ARAP1: variants seen among roughly 807,000 people sequenced by gnomAD.
ARAP1 encodes ArfGAP with RhoGAP domain, ankyrin repeat and PH domain 1.
A neutral mutation model predicts 172.2 loss-of-function variants in ARAP1; 76 were observed. That is an observed-to-expected ratio of 0.44 (90% confidence interval 0.37 to 0.53). ARAP1 has a LOEUF of 0.53. Ranked by LOEUF, ARAP1 falls within the 20% of genes least tolerant of loss-of-function variation. The pLI, the probability that ARAP1 is intolerant of heterozygous loss-of-function variation, is 0.00. For synonymous variants in ARAP1, 804 were observed against 803.3 expected (o/e 1.00, Z -0.01); for missense variants, 1,686 against 1,977.5 (o/e 0.85, Z 2.80).
rs753045574 is a variant in ARAP1 at position 72,693,492 on chromosome 11, G to A, written c.3809-22C>T. On this transcript the variant is annotated intron_variant, in intron 28 of 34. Coordinates refer to ENST00000393609, the MANE Select transcript of ARAP1 (RefSeq NM_001040118.3). The surrounding 1 kb of genome is among the most constrained non-coding windows in gnomAD (Gnocchi z 4.6). ...CTGGCTGGGGGGTGGGACTGGAGTG[G>A]GCACAGGCTGCACCAACCCCTACCC... 6.2e-7 allele frequency: 1 copy of A among 1,607,194 alleles called. No individual in the cohort carries two copies. The highest frequency in any genetic ancestry group is 1.3e-5 in the African/African-American group (1 of 74,904).
At chr11:72,737,029 G>A (rs533542154) in intron 1 of ARAP1, among the ~76,000 whole-genome samples, 1 of 152,274 alleles carries the variant, frequency 6.6e-6, no homozygotes, top group Admixed American at 6.5e-5. Flanking sequence ...GTGGCTCCAG[G>A]CCAGCTCCTC....
At chr11:72,740,617 T>C (rs1160233437) in intron 1 of ARAP1, among the ~76,000 whole-genome samples, 1 of 152,108 alleles carries the variant, frequency 6.6e-6, no homozygotes, top group South Asian at 2.1e-4. Flanking sequence ...ACTGCTAATT[T>C]CCTAGGCCAT....
At chr11:72,742,805 G>A (rs12272109) in intron 1 of ARAP1, among the ~76,000 whole-genome samples, 27,152 of 152,120 alleles carry the variant, frequency 0.18, 3,807 homozygotes, top group African/African-American at 0.39. Flanking sequence ...AGGGAGGGAT[G>A]AAGCAGATCT....
chr11:72,693,454 G>T lies in ARAP1; in HGVS notation c.3825C>A (p.Asp1275Glu). Reference sequence around the variant, plus strand: ...GGAACTTCATCATGCCATGCTTGGTGTCACCGACACGGCTGGCTGGGGGGT... The same window carrying T: ...GGAACTTCATCATGCCATGCTTGGTTTCACCGACACGGCTGGCTGGGGGGT... ...MLLYLASRVG[D>E]TKHGMMKFRE... is the part of the protein sequence containing the mutation. The change falls in exon 29 of 35, where the codon GAC (aspartate) becomes GAA (glutamate). Residue 1275 changes from aspartate to glutamate, a missense_variant. Physicochemically the swap from Asp to Glu is conservative, Grantham distance 45. Coordinates refer to ENST00000393609, the MANE Select transcript of ARAP1 (RefSeq NM_001040118.3). The surrounding 1 kb of genome is among the most constrained non-coding windows in gnomAD (Gnocchi z 4.6). The T allele has an allele frequency of 6.2e-7, 1 of 1,613,468 alleles. No individual in the cohort carries two copies. The highest frequency in any genetic ancestry group is 8.5e-7 in the Non-Finnish European group (1 of 1,179,538).
Position 72,745,302 on chromosome 11 carries a change from C to T in ARAP1, c.-128+7026G>A, listed in dbSNP as rs527474526. Among the ~76,000 whole-genome samples the T allele has an allele frequency of 7.5e-3, 1,129 of 150,196 alleles. 24 individuals carry two copies. The highest frequency in any genetic ancestry group is 6.5e-3 in the South Asian group (31 of 4,766). ...CTCACGGGTTCACGCCATTCTCCTG[C>T]CTCAGCCTCCTGAGTAGCTGGGACT... On this transcript the variant is annotated intron_variant, in intron 1 of 34. Transcript: ENST00000393609.
intron 3 of ARAP1, among the ~76,000 whole-genome samples, chr11:72,717,126 C>A (rs1049508535): frequency 7.2e-5 from 11 of 152,258 alleles, no homozygotes; most frequent in Middle Eastern, 3.4e-3. Flanking sequence ...GATGACCAAG[C>A]AACTGAGGGA....
chr11:72,734,646 G>T (rs1857957967), intron 1 of ARAP1, among the ~76,000 whole-genome samples: 1 of 152,170 alleles, frequency 6.6e-6, no homozygotes, highest in African/African-American at 2.4e-5. Context: ...TTAAGGTGAA[G>T]AAACTGAGAT....
rs1354464324 is a variant in ARAP1, at chr11:72,714,146, A to C, written c.679+6T>G. 1 of 1,470,466 alleles carries C rather than the reference A, an allele frequency of 6.8e-7. No individual in the cohort carries two copies. Among genetic ancestry groups the C allele is most frequent in the African/African-American group, 1.5e-5 (1 of 68,604 alleles). The allele number at this position is 1,470,466 out of a possible 1,614,324, so 91.1% of individuals were successfully genotyped here. A position where few individuals can be genotyped will look rare whatever the true frequency, so the allele number is the denominator to read the frequency against. Reference sequence around the variant, plus strand: ...CAGAGCCCCATCTCCTGGCTGCAGCACTCACCGAACTCTGGGAACAGGCGT... The same window carrying C: ...CAGAGCCCCATCTCCTGGCTGCAGCCCTCACCGAACTCTGGGAACAGGCGT... On this transcript the variant is annotated splice_donor_region_variant and intron_variant, in intron 4 of 34. Transcript: ENST00000393609.
rs1857806189 is a variant in ARAP1, at chr11:72,729,883, C to A, written c.-45+2632G>T. Reference sequence around the variant, plus strand: ...TGAGCTATGATCACACCACTGCACACCACTGCACTCCACCCTGGGCAACAG... The same window carrying A: ...TGAGCTATGATCACACCACTGCACAACACTGCACTCCACCCTGGGCAACAG... On this transcript the variant is annotated intron_variant, in intron 2 of 34. Coordinates refer to ENST00000393609, the MANE Select transcript of ARAP1 (RefSeq NM_001040118.3). Among the ~76,000 whole-genome samples the A allele has an allele frequency of 2.0e-5, 3 of 147,724 alleles. No homozygotes were observed. In the Admixed American group the frequency reaches 2.0e-4, roughly 10 times the overall value.
rs1856378458 is a variant in ARAP1 at position 72,699,534 on chromosome 11, C to T, written c.2321G>A (p.Cys774Tyr). The T allele has an allele frequency of 1.2e-6, 2 of 1,613,200 alleles. No homozygotes were observed. The highest frequency in any genetic ancestry group is 1.7e-5 in the Admixed American group (1 of 59,882). Residue 774 changes from cysteine (C) to tyrosine (Y), a missense_variant, in exon 17 of 35, where the codon TGT becomes TAT. Cys to Tyr is a radical substitution (Grantham distance 194). Coordinates refer to ENST00000393609, the MANE Select transcript of ARAP1 (RefSeq NM_001040118.3). This position sits in a 1 kb window ranked among gnomAD's most constrained non-coding sequence, Gnocchi z 4.2. Reference protein sequence around the residue: ...RAREEFSRRWCVLGDGVLSYF... With the variant: ...RAREEFSRRWYVLGDGVLSYF... ...GCTCAGGACCCCGTCACCAAGGACA[C>T]ACCAGCGCCGGCTGAACTCTGGGGA...
intron 30 of ARAP1, among the ~76,000 whole-genome samples, chr11:72,689,116 A>G (rs1375072263): frequency 1.3e-5 from 2 of 152,206 alleles, no homozygotes; most frequent in Non-Finnish European, 2.9e-5. Flanking sequence ...AAGCTGAAGC[A>G]GAACAGCTGT....
At position 72,697,586 on chromosome 11, in the gene ARAP1, G is replaced by A. The variant is rs1239675097; in HGVS notation, c.2789+12C>T. The A allele has an allele frequency of 6.2e-7, 1 of 1,614,048 alleles. No individual in the cohort carries two copies. The highest frequency in any genetic ancestry group is 1.6e-4 in the Middle Eastern group (1 of 6,062). The stretch of plus-strand genomic sequence containing the variant: ...AGCCTTCTCAGAGCCCCTCAGGGAG[G>A]CCGTGGCTCACCTCCTTCGCTCCAC... On this transcript the variant is annotated intron_variant, in intron 20 of 34. Transcript: ENST00000393609.
intron 3 of ARAP1, among the ~76,000 whole-genome samples, chr11:72,715,808 A>G (rs576886479): frequency 6.6e-6 from 1 of 152,012 alleles, no homozygotes; most frequent in Non-Finnish European, 1.5e-5. Flanking sequence ...GCAATCCTTT[A>G]ACTCTAAAAC....
At position 72,701,802 on chromosome 11, in the gene ARAP1, G is replaced by A; in HGVS notation, c.2168-19C>T. ...GGCACCTCTTTGTAGGCGGGGAAAG[G>A]ATGGCAGGTCATGCTGGCCACCCAA... On this transcript the variant is annotated intron_variant, in intron 15 of 34. Transcript: ENST00000393609. 2 of 1,611,974 alleles carry A rather than the reference G, an allele frequency of 1.2e-6. No homozygotes were observed. The highest frequency in any genetic ancestry group is 3.3e-5 in the Admixed American group (2 of 59,872).
At position 72,725,868 on chromosome 11, in the gene ARAP1, G is replaced by A. The variant is rs1403418547; in HGVS notation, c.509+752C>T. 3.3e-5 allele frequency among the ~76,000 whole-genome samples: 5 copies of A among 152,024 alleles called. No individual in the cohort carries two copies. Among genetic ancestry groups the A allele is most frequent in the Admixed American group, 2.6e-4 (4 of 15,250 alleles). ...AGCCTTCCAAGATTAGCCTCACTTC[G>A]CCCAAGTGCTCCACCAAATCTCCCT... On this transcript the variant is annotated intron_variant, in intron 3 of 34. Coordinates refer to ENST00000393609, the MANE Select transcript of ARAP1 (RefSeq NM_001040118.3). This position sits in a 1 kb window ranked among gnomAD's most constrained non-coding sequence, Gnocchi z 4.3.
At chr11:72,727,450 A>G (rs2135573229) in intron 2 of ARAP1, among the ~76,000 whole-genome samples, 1 of 152,184 alleles carries the variant, frequency 6.6e-6, no homozygotes, top group Admixed American at 6.5e-5. Flanking sequence ...TGGGGTTGGT[A>G]CCACCCCACA....
intron 5 of ARAP1, chr11:72,712,930 G>A (rs1277821778): frequency 1.7e-6 from 1 of 597,772 alleles, no homozygotes; most frequent in East Asian, 2.8e-5. Flanking sequence ...GGTGGGGGGA[G>A]GCCACATGCC....
In ARAP1 at chr11:72,693,040, C is replaced by A; in HGVS notation, c.3955-255G>T. ...GGGGCTGTCATCAAGTAACAGGTTCCTGTGGATGCAGTGATAAGGCACAGG... is the reference window on the plus strand; with the variant it reads ...GGGGCTGTCATCAAGTAACAGGTTCATGTGGATGCAGTGATAAGGCACAGG... On this transcript the variant is annotated intron_variant, in intron 29 of 34. Coordinates refer to ENST00000393609, the MANE Select transcript of ARAP1 (RefSeq NM_001040118.3). This position sits in a 1 kb window ranked among gnomAD's most constrained non-coding sequence, Gnocchi z 4.6. 3.1e-6 allele frequency: 2 copies of A among 642,660 alleles called. No individual in the cohort carries two copies. The highest frequency in any genetic ancestry group is 2.6e-5 in the Admixed American group (1 of 38,896). The allele number at this position is 642,660 out of a possible 1,614,324, so 39.8% of individuals were successfully genotyped here. A position where few individuals can be genotyped will look rare whatever the true frequency, so the allele number is the denominator to read the frequency against.
intron 2 of ARAP1, among the ~76,000 whole-genome samples, chr11:72,730,926 A>C (rs1199582589): frequency 1.3e-5 from 2 of 152,256 alleles, no homozygotes; most frequent in Non-Finnish European, 2.9e-5. Flanking sequence ...AAGAATGAGG[A>C]AACTCCTCAC....
Sources: gnomAD v4.1 joint callset for allele counts (sites outside exome capture counted in the v4.1 genomes callset) on GRCh38, gnomAD v4.1.1 for gene constraint, Gnocchi (gnomAD v3.1) non-coding constraint, MANE v1.5 for transcripts, NCBI Gene and HGNC (gene_info 2026-07-23, HGNC 2026-07-21) for gene names.